The following RABGAP1L variants were observed in gnomAD, a reference collection of about 807,000 sequenced individuals.
RABGAP1L encodes the protein RAB GTPase activating protein 1 like.
RABGAP1L carries 63 observed loss-of-function variants against 137.7 expected under a neutral mutation model. The observed-to-expected ratio is 0.46, with a 90% CI of 0.37 to 0.56. RABGAP1L has a LOEUF of 0.56. RABGAP1L is among the 20% of genes least tolerant of loss of function. The pLI, the probability that RABGAP1L is intolerant of heterozygous loss-of-function variation, is 0.00. For missense variants in RABGAP1L, 1,095 were observed against 1,244.0 expected (o/e 0.88, Z 1.80); for synonymous variants, 431 against 433.7 (o/e 0.99, Z 0.08).
chr1:174,197,615 A>G (rs1231485827), intron 1 of RABGAP1L, among the ~76,000 whole-genome samples: 2 of 152,088 alleles, frequency 1.3e-5, no homozygotes, highest in African/African-American at 4.8e-5. Flanking sequence ...CCTGGACAAC[A>G]TGGTGAAACC....
chr1:174,314,005 G>T (rs1028515673), intron 11 of RABGAP1L, among the ~76,000 whole-genome samples: 1 of 152,080 alleles, frequency 6.6e-6, no homozygotes, highest in African/African-American at 2.4e-5. Context: ...TGGTATCAGG[G>T]TAATACTGGC....
At chr1:174,986,279 C>T (rs1385633873) in intron 24 of RABGAP1L, among the ~76,000 whole-genome samples, 6 of 152,138 alleles carry the variant, frequency 3.9e-5, no homozygotes, top group Admixed American at 3.9e-4. Context: ...AGAGCTCCCA[C>T]CATCACACCC....
At chr1:174,467,813 G>C (rs1657470840) in intron 13 of RABGAP1L, among the ~76,000 whole-genome samples, 1 of 152,008 alleles carries the variant, frequency 6.6e-6, no homozygotes, top group African/African-American at 2.4e-5. Flanking sequence ...CTATTTGGCA[G>C]TTAACGTTAT....
intron 19 of RABGAP1L, among the ~76,000 whole-genome samples, chr1:174,899,617 A>G (rs902159369): frequency 2.0e-5 from 3 of 152,176 alleles, no homozygotes; most frequent in Non-Finnish European, 2.9e-5. Context: ...GTAACAGAGT[A>G]TCCTCATCCA....
intron 13 of RABGAP1L, among the ~76,000 whole-genome samples, chr1:174,547,518 G>A (rs1666117645): frequency 6.6e-6 from 1 of 152,166 alleles, no homozygotes; most frequent in African/African-American, 2.4e-5. Context: ...TTAGGTGGCT[G>A]AGGTGGGAAA....
chr1:174,764,586 C>T (rs1436322312), intron 18 of RABGAP1L, among the ~76,000 whole-genome samples: 1 of 152,134 alleles, frequency 6.6e-6, no homozygotes, highest in African/African-American at 2.4e-5. Context: ...CCTCCTTAGC[C>T]AAAGGGTGAG....
In RABGAP1L at chr1:174,448,361, G is replaced by A. The variant is rs747459059; in HGVS notation, c.1710+54216G>A. Reference sequence around the variant, plus strand: ...TACCAGCTATTTCATTCAGACGATGGCATATGCTGATCTTTTCGTTGGAGT... The same window carrying A: ...TACCAGCTATTTCATTCAGACGATGACATATGCTGATCTTTTCGTTGGAGT... On this transcript the variant is annotated intron_variant, in intron 13 of 25. Coordinates refer to ENST00000681986, the MANE Select transcript of RABGAP1L (RefSeq NM_001366446.1). The surrounding 1 kb of genome is among the most constrained non-coding windows in gnomAD (Gnocchi z 4.2). 9.9e-6 allele frequency: 16 copies of A among 1,613,892 alleles called. No homozygotes were observed. The highest frequency in any genetic ancestry group is 1.4e-5 in the Non-Finnish European group (16 of 1,179,832).
At chr1:174,950,929 T>C (rs773289463) in intron 19 of RABGAP1L, among the ~76,000 whole-genome samples, 10 of 152,222 alleles carry the variant, frequency 6.6e-5, no homozygotes, top group Non-Finnish European at 1.5e-4. Flanking sequence ...AATATTTTTG[T>C]ATCTTTCATT....
At chr1:174,561,663 A>T (rs903281753) in intron 13 of RABGAP1L, among the ~76,000 whole-genome samples, 1 of 152,234 alleles carries the variant, frequency 6.6e-6, no homozygotes, top group African/African-American at 2.4e-5. Context: ...AAACAGATAC[A>T]TAGACCAATG....
At chr1:174,398,927 CTT>C (rs1484139787) in intron 13 of RABGAP1L, among the ~76,000 whole-genome samples, 1 of 152,090 alleles carries the variant, frequency 6.6e-6, no homozygotes, top group Non-Finnish European at 1.5e-5. Flanking sequence ...CTAATTGCCA[CTT>C]GAGATTGATT....
chr1:174,355,838 A>C (rs2148946771), intron 11 of RABGAP1L, among the ~76,000 whole-genome samples: 1 of 152,266 alleles, frequency 6.6e-6, no homozygotes, highest in East Asian at 1.9e-4. Context: ...TTGGGAAAGA[A>C]ATCATTTGAG....
At chr1:174,617,682 C>T (rs1030386162) in intron 13 of RABGAP1L, among the ~76,000 whole-genome samples, 12 of 152,148 alleles carry the variant, frequency 7.9e-5, no homozygotes, top group African/African-American at 2.9e-4. Flanking sequence ...ATCCACATCC[C>T]CAGATAGAAT....
chr1:174,313,745 T>C (rs1267915861), intron 11 of RABGAP1L, among the ~76,000 whole-genome samples: 2 of 152,204 alleles, frequency 1.3e-5, no homozygotes, highest in African/African-American at 4.8e-5. Flanking sequence ...TTTTATCAAA[T>C]GCTTTTTCAG....
At chr1:174,720,344 C>T (rs1431199177) in intron 17 of RABGAP1L, among the ~76,000 whole-genome samples, 1 of 150,352 alleles carries the variant, frequency 6.7e-6, no homozygotes, top group African/African-American at 2.5e-5. Context: ...GGCTCTGTTG[C>T]CCAGGCTGGA....
chr1:174,483,503 G>A (rs1659327517), intron 13 of RABGAP1L, among the ~76,000 whole-genome samples: 1 of 152,098 alleles, frequency 6.6e-6, no homozygotes, highest in Admixed American at 6.6e-5. Context: ...ACTTCATTGT[G>A]GATATGTACC....
In RABGAP1L at chr1:174,929,862, T is replaced by TG. The variant is rs1263686653; in HGVS notation, c.2341-27595_2341-27594insG. ...AGCAAAATTTAATTTTTTTTTTTTT[T>TG]TTTTTTGAGATAGGGTCTTGCTCTG... On this transcript the variant is annotated intron_variant, in intron 19 of 25. Transcript: ENST00000681986. Among the ~76,000 whole-genome samples, 5 of 148,738 alleles carry TG rather than the reference T, an allele frequency of 3.4e-5. 1 individual carries two copies. The highest frequency in any genetic ancestry group is 2.0e-4 in the Admixed American group (3 of 14,996).
At chr1:174,386,845 G>A (rs1455815781) in intron 12 of RABGAP1L, among the ~76,000 whole-genome samples, 3 of 152,116 alleles carry the variant, frequency 2.0e-5, no homozygotes, top group African/African-American at 4.8e-5. Flanking sequence ...GTTCTAGTGA[G>A]TAAGTGAATA....
At chr1:174,239,163 T>C (rs1383648516) in intron 4 of RABGAP1L, among the ~76,000 whole-genome samples, 2 of 152,162 alleles carry the variant, frequency 1.3e-5, no homozygotes, top group Non-Finnish European at 1.5e-5. Flanking sequence ...CTGCGCCCAC[T>C]GTCTGGCACT....
rs71117584 is a variant in RABGAP1L at position 174,854,715 on chromosome 1, C to CTTTTT, written c.2340+42796_2340+42800dup. 3.2e-4 allele frequency among the ~76,000 whole-genome samples: 18 copies of CTTTTT among 56,862 alleles called. 1 individual carries two copies. Among genetic ancestry groups the CTTTTT allele is most frequent in the Non-Finnish European group, 4.8e-4 (14 of 29,352 alleles). The allele number at this position is 56,862 out of a possible 152,430, so 37.3% of individuals were successfully genotyped here. A position where few individuals can be genotyped will look rare whatever the true frequency, so the allele number is the denominator to read the frequency against. On this transcript the variant is annotated intron_variant, in intron 19 of 25. Coordinates refer to ENST00000681986, the MANE Select transcript of RABGAP1L (RefSeq NM_001366446.1). ...AACTGCAATAGACTCAATATAAATGCTTTTTTTTTTTTTTTTTTTTTTTTT... is the reference window on the plus strand; with the variant it reads ...AACTGCAATAGACTCAATATAAATGCTTTTTTTTTTTTTTTTTTTTTTTTTTTTTT...
Sources: allele counts gnomAD v4.1 joint callset (sites outside exome capture counted in the v4.1 genomes callset), GRCh38; gene constraint gnomAD v4.1.1; non-coding constraint Gnocchi (gnomAD v3.1); transcripts MANE v1.5; gene names NCBI Gene and HGNC (gene_info 2026-07-23, HGNC 2026-07-21).